Variants in CYP11A1 observed in about 807,000 individuals in gnomAD.
CYP11A1 encodes the protein cholesterol side-chain cleavage enzyme, mitochondrial.
In CYP11A1, 25 loss-of-function variants were observed where a neutral mutation model predicts 51.9. That is an observed-to-expected ratio of 0.48 (90% CI 0.35 to 0.67). The LOEUF is 0.67. Among genes scored for constraint, CYP11A1 ranks in the 30% least tolerant of loss-of-function variants. The probability of loss-of-function intolerance (pLI) is 0.00; values close to 1 mark genes in which losing one functional copy is unlikely to be tolerated. For synonymous variants in CYP11A1, 245 were observed against 262.1 expected (o/e 0.93, Z 0.63); for missense variants, 578 against 680.9 (o/e 0.85, Z 1.68).
chr15:74,354,417 C>T (rs929015409), intron 1 of CYP11A1: 1 of 152,126 alleles, frequency 6.6e-6, no homozygotes, highest in Non-Finnish European at 1.5e-5. Context: ...ATAAAACAGC[C>T]CCACCCCTAT....
intron 1 of CYP11A1, chr15:74,350,626 C>T (rs560480429): frequency 6.5e-6 from 1 of 153,236 alleles, no homozygotes; most frequent in Admixed American, 6.5e-5. Flanking sequence ...AGGAAATATC[C>T]TCTCCATAGG....
chr15:74,343,804 C>T lies in CYP11A1; in HGVS notation c.814G>A (p.Val272Met), dbSNP rs750547647. The T allele has an allele frequency of 1.2e-5, 19 of 1,612,486 alleles. No individual in the cohort carries two copies. The highest frequency in any genetic ancestry group is 2.1e-4 in the Middle Eastern group (1 of 4,854). ...AAGCCCTCACCTTTACTGAAAATCACGTCCCATGCAGCCACATGGTCCTTC... is the reference window on the plus strand; with the variant it reads ...AAGCCCTCACCTTTACTGAAAATCATGTCCCATGCAGCCACATGGTCCTTC... ...TWKDHVAAWD[V>M]IFSKADIYTQ... The change falls in exon 4 of 9, where the codon GTG (valine) becomes ATG (methionine). Residue 272 changes from valine (V) to methionine (M), a missense_variant. Transcript: ENST00000268053.
chr15:74,349,984 A>G (rs1462307390), intron 1 of CYP11A1, among the ~76,000 whole-genome samples: 2 of 152,144 alleles, frequency 1.3e-5, no homozygotes, highest in African/African-American at 2.4e-5. Flanking sequence ...ATAGATCAAG[A>G]AAAAGGAAGA....
At chr15:74,341,639 C>T (rs1042077258) in intron 5 of CYP11A1, among the ~76,000 whole-genome samples, 1 of 152,200 alleles carries the variant, frequency 6.6e-6, no homozygotes, top group African/African-American at 2.4e-5. Flanking sequence ...TGTGCTATTC[C>T]TCCGTTCACA....
intron 1 of CYP11A1, among the ~76,000 whole-genome samples, chr15:74,360,460 A>T (rs776526966): frequency 6.6e-6 from 1 of 151,812 alleles, no homozygotes; most frequent in African/African-American, 2.4e-5. Flanking sequence ...TTTTATTATT[A>T]TTTTTAGTAG....
chr15:74,347,555 A>T (rs766450216), intron 2 of CYP11A1, among the ~76,000 whole-genome samples: 1 of 152,192 alleles, frequency 6.6e-6, no homozygotes, highest in Non-Finnish European at 1.5e-5. Context: ...TCTATTTGTC[A>T]CTGTATCTCC....
chr15:74,355,416 C>G (rs1425494777), intron 1 of CYP11A1, among the ~76,000 whole-genome samples: 4 of 152,130 alleles, frequency 2.6e-5, no homozygotes, highest in African/African-American at 9.7e-5. Context: ...TTTGTTCCCT[C>G]CCTAGTCTAT....
intron 1 of CYP11A1, chr15:74,366,284 T>A: frequency 1.0e-6 from 1 of 974,152 alleles, no homozygotes; most frequent in African/African-American, 1.8e-5. Flanking sequence ...CCGATTTTTT[T>A]TTTTTTTTTT....
chr15:74,366,102 C>A (rs916170284), intron 1 of CYP11A1: 2 of 985,508 alleles, frequency 2.0e-6, no homozygotes, highest in Non-Finnish European at 2.4e-6. Context: ...GTGAGCGACC[C>A]GCGAAGAGCG....
At chr15:74,356,920 C>G (rs568435422) in intron 1 of CYP11A1, among the ~76,000 whole-genome samples, 35 of 152,272 alleles carry the variant, frequency 2.3e-4, no homozygotes, top group African/African-American at 8.4e-4. Flanking sequence ...TGCTAATATC[C>G]TATCCCACAG....
At chr15:74,347,105 C>T (rs2060636210) in intron 2 of CYP11A1, among the ~76,000 whole-genome samples, 1 of 152,066 alleles carries the variant, frequency 6.6e-6, no homozygotes, top group Non-Finnish European at 1.5e-5. Context: ...TGCGCCCTGA[C>T]CCTCATTTTA....
At chr15:74,363,798 G>A (rs886136482) in intron 1 of CYP11A1, 2 of 152,208 alleles carry the variant, frequency 1.3e-5, no homozygotes, top group Admixed American at 1.3e-4. Flanking sequence ...GTAACTGAGA[G>A]TGGCACTGAG....
chr15:74,342,229 C>T (rs948772995), intron 5 of CYP11A1, among the ~76,000 whole-genome samples: 15 of 152,130 alleles, frequency 9.9e-5, no homozygotes, highest in African/African-American at 3.6e-4. Context: ...ATTGTAGGTG[C>T]CCACCACCAG....
In CYP11A1 at chr15:74,338,445, C is replaced by A. The variant is rs543468265; in HGVS notation, c.1434+126G>T. The A allele has an allele frequency of 2.2e-4, 216 of 993,348 alleles. 1 individual carries two copies. The East Asian group carries it at 5.1e-3, about 24-fold the overall frequency. 61.5% of individuals were successfully genotyped at this position (993,348 alleles called of 1,614,324 possible). On this transcript the variant is annotated intron_variant, in intron 8 of 8. Coordinates refer to ENST00000268053, the MANE Select transcript of CYP11A1 (RefSeq NM_000781.3). The stretch of plus-strand genomic sequence containing the variant: ...TGTGGGAGAGAGCGAGAGCAAGTAA[C>A]TGGAGGTAGATGCGCCCCAGCACTG...
At position 74,360,022 on chromosome 15, in the gene CYP11A1, G is replaced by A. The variant is rs186085605; in HGVS notation, c.269+7295C>T. Among the ~76,000 whole-genome samples, 11 of 152,330 alleles carry A rather than the reference G, an allele frequency of 7.2e-5. No homozygotes were observed. In the East Asian group the frequency reaches 2.1e-3, roughly 29 times the overall value. ...TTCATGTGACTTTAGCAATAGTTGG[G>A]AAATAAAGACAGTTTTCAAGATTAT... On this transcript the variant is annotated intron_variant, in intron 1 of 8. Coordinates refer to ENST00000268053, the MANE Select transcript of CYP11A1 (RefSeq NM_000781.3).
intron 7 of CYP11A1, 57 bp from the exon 8 acceptor site, chr15:74,338,825 C>A (rs1401754461): frequency 1.3e-5 from 20 of 1,519,792 alleles, no homozygotes; most frequent in Non-Finnish European, 1.8e-5. Flanking sequence ...GCCCTGAGCA[C>A]AAAACCCCCT....
chr15:74,347,576 A>G (rs537256531), intron 2 of CYP11A1, among the ~76,000 whole-genome samples: 1 of 152,166 alleles, frequency 6.6e-6, no homozygotes, highest in African/African-American at 2.4e-5. Context: ...AGTTCCTGGC[A>G]CAAGTCCTGA....
chr15:74,342,867 C>T (rs1452300397), intron 5 of CYP11A1, 110 bp downstream of exon 5: 1 of 1,143,130 alleles, frequency 8.7e-7, no homozygotes, highest in African/African-American at 1.5e-5. Context: ...ACATATCCTA[C>T]ATGAGTAGGA....
chr15:74,341,867 G>A (rs2060608386), intron 5 of CYP11A1, among the ~76,000 whole-genome samples: 1 of 152,210 alleles, frequency 6.6e-6, no homozygotes, highest in Admixed American at 6.5e-5. Context: ...GGAAGCCCAT[G>A]TGAGACAGAG....
Sources: gnomAD v4.1 joint callset for allele counts (sites outside exome capture counted in the v4.1 genomes callset) on GRCh38, gnomAD v4.1.1 for gene constraint, MANE v1.5 for transcripts, NCBI Gene and HGNC (gene_info 2026-07-23, HGNC 2026-07-21) for gene names.